DCTN3: variants seen among roughly 807,000 people sequenced by gnomAD.
The protein encoded by DCTN3 is dynactin subunit 3, also known as dynactin 3 (p22).
Under a neutral mutation model 28.4 loss-of-function variants are expected in DCTN3, and 25 were observed. The observed-to-expected ratio is 0.88, with a 90% CI of 0.64 to 1.23. The LOEUF (loss-of-function observed/expected upper bound fraction) is 1.23, where lower values mean the gene tolerates loss of function less well. Among genes scored for constraint, DCTN3 ranks in the 50% most tolerant of loss-of-function variants. The pLI, the probability that DCTN3 is intolerant of heterozygous loss-of-function variation, is 0.00. For synonymous variants in DCTN3, 81 were observed against 91.4 expected (o/e 0.89, Z 0.65); for missense variants, 229 against 232.0 (o/e 0.99, Z 0.08).
intron 3 of DCTN3, among the ~76,000 whole-genome samples, chr9:34,617,335 A>T (rs1170301385): frequency 6.6e-6 from 1 of 152,238 alleles, no homozygotes; most frequent in Non-Finnish European, 1.5e-5. Context: ...TTCCTCACTT[A>T]GGAAAGAACC....
At chr9:34,617,779 C>A in intron 3 of DCTN3, 106 bp downstream of exon 3, 2 of 1,551,700 alleles carry the variant, frequency 1.3e-6, no homozygotes, top group Non-Finnish European at 1.7e-6. Context: ...GAGCAGCATC[C>A]AGGGCTTGTA....
intron 3 of DCTN3, among the ~76,000 whole-genome samples, chr9:34,617,389 C>T (rs562567870): frequency 7.2e-5 from 11 of 152,176 alleles, no homozygotes; most frequent in Non-Finnish European, 1.5e-4. Context: ...GGATGAATAA[C>T]GAAGCTCAAA....
At position 34,620,435 on chromosome 9, in the gene DCTN3, T is replaced by C. The variant is rs984533655; in HGVS notation, c.30A>G (p.Leu10=). The C allele has an allele frequency of 3.2e-6, 5 of 1,557,672 alleles. No homozygotes were observed. Among genetic ancestry groups the C allele is most frequent in the African/African-American group, 2.7e-5 (2 of 73,348 alleles). Residue 10 remains leucine (L), a synonymous_variant, in exon 1 of 7, where the codon CTA becomes CTG. Transcript: ENST00000259632. ...GCTCCAGCTCTTCCACTCGGGCCTG[T>C]AGCCGCTGCAAGTCAGTCAGACCCG... MAGLTDLQR[L]QARVEELERW...
chr9:34,614,515 G>A lies in DCTN3; in HGVS notation c.411+195C>T, dbSNP rs957101886. The A allele has an allele frequency of 4.6e-6, 3 of 659,168 alleles. No homozygotes were observed. In the African/African-American group the frequency reaches 5.5e-5, roughly 12 times the overall value. The allele number at this position is 659,168 out of a possible 1,614,324, so 40.8% of individuals were successfully genotyped here. ...GGTGTCCCAATAAAGTCCTGCTCTGGAAGCAGAAAGTTTGTACATGAACCT... is the reference window on the plus strand; with the variant it reads ...GGTGTCCCAATAAAGTCCTGCTCTGAAAGCAGAAAGTTTGTACATGAACCT... On this transcript the variant is annotated intron_variant, in intron 5 of 6. Transcript: ENST00000259632.
chr9:34,618,191 T>TGAAA (rs1820467707), intron 2 of DCTN3, among the ~76,000 whole-genome samples: 1 of 152,140 alleles, frequency 6.6e-6, no homozygotes, highest in Admixed American at 6.5e-5. Context: ...GCTTCAGAGC[T>TGAAA]GAAAACACAA....
chr9:34,615,836 G>A (rs1021424675), intron 4 of DCTN3, 194 bp downstream of exon 4: 3 of 436,242 alleles, frequency 6.9e-6, no homozygotes, highest in East Asian at 7.9e-5. Context: ...AGGAGGCAGC[G>A]GTTGCAGTGA....
Position 34,614,709 on chromosome 9 carries a change from C to T in DCTN3, c.411+1G>A, listed in dbSNP as rs1350560511. ...GCTTCTAGTCATCTCCCCTCCCATA[C>T]CTGCTGCTGAATGTGGATCTGGGCC... is the stretch of plus-strand genomic sequence containing the variant. On this transcript the variant is annotated splice_donor_variant, in intron 5 of 6. Transcript: ENST00000259632. LOFTEE classifies it high-confidence loss of function. The T allele has an allele frequency of 1.2e-6, 2 of 1,614,008 alleles. No homozygotes were observed. The highest frequency in any genetic ancestry group is 1.1e-5 in the South Asian group (1 of 91,092).
chr9:34,614,830 G>T, intron 4 of DCTN3, 62 bp from the exon 5 acceptor site: 1 of 1,583,684 alleles, frequency 6.3e-7, no homozygotes. Flanking sequence ...CTGCTCAATA[G>T]TCTATTAGGT....
chr9:34,619,167 G>A (rs1476535637), intron 1 of DCTN3, among the ~76,000 whole-genome samples: 4 of 152,212 alleles, frequency 2.6e-5, no homozygotes, highest in Non-Finnish European at 5.9e-5. Context: ...GGAGATGGAA[G>A]AGTCCAAACA....
intron 4 of DCTN3, 114 bp downstream of exon 4, chr9:34,615,915 AG>A (rs373869894): frequency 2.3e-5 from 17 of 739,484 alleles, no homozygotes; most frequent in South Asian, 3.9e-5. Flanking sequence ...AAAAAAAAAA[AG>A]ATAAGGAACA....
At position 34,614,707 on chromosome 9, in the gene DCTN3, T is replaced by C. The variant is rs1445212058; in HGVS notation, c.411+3A>G. 2 of 1,614,068 alleles carry C rather than the reference T, an allele frequency of 1.2e-6. No individual in the cohort carries two copies. Among genetic ancestry groups the C allele is most frequent in the Admixed American group, 1.7e-5 (1 of 60,022 alleles). On this transcript the variant is annotated splice_donor_region_variant and intron_variant, in intron 5 of 6. Coordinates refer to ENST00000259632, the MANE Select transcript of DCTN3 (RefSeq NM_007234.5). ...TCGCTTCTAGTCATCTCCCCTCCCA[T>C]ACCTGCTGCTGAATGTGGATCTGGG...
intron 5 of DCTN3, 132 bp from the exon 6 acceptor site, chr9:34,614,233 G>T: frequency 6.3e-7 from 1 of 1,576,320 alleles, no homozygotes; most frequent in South Asian, 1.2e-5. Flanking sequence ...AAAGCCAAAG[G>T]AGCAAATGGC....
chr9:34,614,417 A>G, intron 5 of DCTN3: 1 of 626,368 alleles, frequency 1.6e-6, no homozygotes, highest in Non-Finnish European at 2.7e-6. Flanking sequence ...TAGTGAAAAA[A>G]GAGCCCCTCT....
At chr9:34,617,348 G>A (rs1422129778) in intron 3 of DCTN3, among the ~76,000 whole-genome samples, 1 of 152,190 alleles carries the variant, frequency 6.6e-6, no homozygotes, top group Non-Finnish European at 1.5e-5. Flanking sequence ...AAAGAACCTG[G>A]ATCAGAGTAG....
Position 34,614,196 on chromosome 9 carries a change from A to T in DCTN3, c.412-95T>A, listed in dbSNP as rs746571703. ...CATCACGGACTCCCACTCCCCATGG[A>T]GCCTAAAAAAGATGACGCTTAACCC... On this transcript the variant is annotated intron_variant, in intron 5 of 6. Transcript: ENST00000259632. 4 of 1,607,194 alleles carry T rather than the reference A, an allele frequency of 2.5e-6. No individual in the cohort carries two copies. The East Asian group carries it at 8.9e-5, about 36-fold the overall frequency.
In DCTN3 at chr9:34,618,675, C is replaced by T; in HGVS notation, c.181+1G>A. 1 of 1,613,596 alleles carries T rather than the reference C, an allele frequency of 6.2e-7. No individual in the cohort carries two copies. The highest frequency in any genetic ancestry group is 8.5e-7 in the Non-Finnish European group (1 of 1,179,480). ...GGCAGGCACATCATGGAAGCACTTA[C>T]TCTTTTTGTAGAGAATCTTCACCCT... On this transcript the variant is annotated splice_donor_variant, in intron 2 of 6. Coordinates refer to ENST00000259632, the MANE Select transcript of DCTN3 (RefSeq NM_007234.5). LOFTEE classifies it high-confidence loss of function.
At chr9:34,614,158 A>T in intron 5 of DCTN3, 57 bp from the exon 6 acceptor site, 1 of 1,613,834 alleles carries the variant, frequency 6.2e-7, no homozygotes, top group Non-Finnish European at 8.5e-7. Context: ...ATCTTCCACT[A>T]AACTTCCTGC....
chr9:34,615,899 CAA>C (rs35159161), intron 4 of DCTN3, 129 bp downstream of exon 4: 6,954 of 444,362 alleles, frequency 0.016, 6 homozygotes, highest in African/African-American at 0.025. Flanking sequence ...CGACTCTGTC[CAA>C]AAAAAAAAAA....
At position 34,613,844 on chromosome 9, in the gene DCTN3, G is replaced by C; in HGVS notation, c.499C>G (p.Gln167Glu). The change falls in exon 7 of 7, where the codon CAG becomes GAG. Residue 167 changes from glutamine (Q) to glutamate (E), a missense_variant. Coordinates refer to ENST00000259632, the MANE Select transcript of DCTN3 (RefSeq NM_007234.5). ...TTMLLSKQFV[Q>E]WDELLCQLEA... ...AGCTGGCAAAGTAGCTCATCCCACT[G>C]CACGAATTGCTTGGAGAGAAGCATT... is the stretch of plus-strand genomic sequence containing the variant. 1.2e-6 allele frequency: 2 copies of C among 1,614,146 alleles called. No homozygotes were observed. The highest frequency in any genetic ancestry group is 1.7e-6 in the Non-Finnish European group (2 of 1,180,008).
Sources: allele counts gnomAD v4.1 joint callset (sites outside exome capture counted in the v4.1 genomes callset), GRCh38; gene constraint gnomAD v4.1.1; transcripts MANE v1.5; gene names NCBI Gene and HGNC (gene_info 2026-07-23, HGNC 2026-07-21).